The following COL4A5 variants were observed in gnomAD, a reference collection of about 807,000 sequenced individuals.
COL4A5 encodes the protein collagen type IV alpha 5 chain.
In COL4A5, 26 loss-of-function variants were observed where a neutral mutation model predicts 130.2. The ratio of observed to expected loss-of-function variants is 0.20; its 90% CI spans 0.15 to 0.28. The LOEUF is 0.28. Among genes scored for constraint, COL4A5 ranks in the 10% least tolerant of loss-of-function variants. The pLI is 1.00. For missense variants in COL4A5, 1,131 were observed against 1,344.3 expected, an observed-to-expected ratio of 0.84 and a Z score of 2.48; for synonymous variants, 496 against 439.6, an observed-to-expected ratio of 1.13 and a Z score of -1.60.
intron 36 of COL4A5, among the ~76,000 whole-genome samples, chrX:108,647,206 C>T (rs1277217002): frequency 1.4e-4 from 16 of 111,184 alleles, no homozygotes; most frequent in Non-Finnish European, 2.6e-4. Context: ...ATTCTTCCTA[C>T]CCATGAGCAT....
At position 108,440,046 on chromosome X, in the gene COL4A5, C is replaced by T. The variant is rs1410199084; in HGVS notation, c.-80C>T. The T allele has an allele frequency of 1.3e-5, 10 of 758,979 alleles. No individual in the cohort carries two copies. Among genetic ancestry groups the T allele is most frequent in the Non-Finnish European group, 2.0e-5 (10 of 498,303 alleles). The allele number at this position is 758,979 out of a possible 1,213,427, so 62.5% of individuals were successfully genotyped here. ...CCGGCTCTAGCTCTCTCCATATAAA[C>T]CCTCAAGATTATGTCAATTGGTTAG... On this transcript the variant is annotated 5_prime_UTR_variant, in exon 1 of 53. Transcript: ENST00000328300.
intron 37 of COL4A5, among the ~76,000 whole-genome samples, chrX:108,662,777 T>C (rs917108781): frequency 8.9e-6 from 1 of 112,047 alleles, no homozygotes; most frequent in Non-Finnish European, 1.9e-5. Context: ...AAAATGGCCA[T>C]ACTGCCCAAA....
At chrX:108,469,787 G>A (rs188481842) in intron 1 of COL4A5, among the ~76,000 whole-genome samples, 298 of 111,517 alleles carry the variant, frequency 2.7e-3, no homozygotes, top group Non-Finnish European at 3.7e-3. Flanking sequence ...CCATTACCCA[G>A]GCTACCTCCT....
chrX:108,504,634 A>G (rs747637230), intron 1 of COL4A5, among the ~76,000 whole-genome samples: 131 of 112,516 alleles, frequency 1.2e-3, no homozygotes, highest in Non-Finnish European at 2.1e-3. Flanking sequence ...GAAACATGGA[A>G]TCATGCTCAA....
intron 36 of COL4A5, among the ~76,000 whole-genome samples, chrX:108,640,438 T>G (rs896394051): frequency 9.0e-6 from 1 of 111,235 alleles, no homozygotes; most frequent in African/African-American, 3.3e-5. Context: ...TAGTTAGTTA[T>G]AAGATGAATA....
At chrX:108,522,089 C>T (rs778211949) in intron 1 of COL4A5, among the ~76,000 whole-genome samples, 25 of 111,089 alleles carry the variant, frequency 2.3e-4, no homozygotes, top group African/African-American at 8.2e-4. Flanking sequence ...GCTTCTTTCA[C>T]TTAGCATAAT....
intron 36 of COL4A5, among the ~76,000 whole-genome samples, chrX:108,641,618 C>T (rs1003522991): frequency 5.4e-5 from 6 of 111,885 alleles, no homozygotes; most frequent in Admixed American, 4.7e-4. Flanking sequence ...AAATACACAC[C>T]GCCACTGGAG....
intron 1 of COL4A5, among the ~76,000 whole-genome samples, chrX:108,528,130 G>T (rs905456306): frequency 8.9e-6 from 1 of 111,871 alleles, no homozygotes; most frequent in Admixed American, 9.5e-5. Flanking sequence ...ACAAAGATAT[G>T]CATGCTCAGC....
intron 1 of COL4A5, among the ~76,000 whole-genome samples, chrX:108,452,926 A>C (rs1429973267): frequency 9.0e-6 from 1 of 110,680 alleles, no homozygotes; most frequent in Non-Finnish European, 1.9e-5. Flanking sequence ...GAATGCTTCC[A>C]GTTTTTGCCC....
At chrX:108,630,163 G>A (rs1052753502) in intron 36 of COL4A5, among the ~76,000 whole-genome samples, 1 of 111,799 alleles carries the variant, frequency 8.9e-6, no homozygotes, top group Non-Finnish European at 1.9e-5. Context: ...AATCCTTTGG[G>A]TATATACCCA....
intron 47 of COL4A5, among the ~76,000 whole-genome samples, chrX:108,682,400 G>A (rs2068451160): frequency 8.9e-6 from 1 of 111,760 alleles, no homozygotes; most frequent in Non-Finnish European, 1.9e-5. Flanking sequence ...AATCCTTTGG[G>A]TATATACCAA....
chrX:108,670,579 C>T (rs933147274), intron 42 of COL4A5: 8 of 322,202 alleles, frequency 2.5e-5, no homozygotes, highest in East Asian at 1.5e-4. Flanking sequence ...TTAATGCAAA[C>T]GAATTGAACT....
At chrX:108,546,703 T>C (rs1018254321) in intron 2 of COL4A5, among the ~76,000 whole-genome samples, 2 of 111,699 alleles carry the variant, frequency 1.8e-5, no homozygotes, top group African/African-American at 6.5e-5. Context: ...CTGCAGAGTG[T>C]TTTCCAACTT....
chrX:108,619,622 T>C (rs1347697651), intron 30 of COL4A5, among the ~76,000 whole-genome samples: 1 of 111,900 alleles, frequency 8.9e-6, no homozygotes, highest in Non-Finnish European at 1.9e-5. Context: ...TGACAAAAAA[T>C]ACTAATAGTA....
At chrX:108,691,936 T>C (rs2068644754) in intron 49 of COL4A5, among the ~76,000 whole-genome samples, 1 of 111,675 alleles carries the variant, frequency 9.0e-6, no homozygotes, top group Admixed American at 9.6e-5. Context: ...CAGTCCCTGC[T>C]ATTACAAAGT....
intron 30 of COL4A5, among the ~76,000 whole-genome samples, chrX:108,619,721 CAAT>C (rs1256871329): frequency 9.0e-6 from 1 of 111,571 alleles, no homozygotes; most frequent in Non-Finnish European, 1.9e-5. Context: ...ATTCAGTAAT[CAAT>C]AATTTTGGGA....
At chrX:108,514,797 A>C (rs751034067) in intron 1 of COL4A5, among the ~76,000 whole-genome samples, 6 of 112,090 alleles carry the variant, frequency 5.4e-5, no homozygotes, top group Non-Finnish European at 1.1e-4. Flanking sequence ...TATCACCCAC[A>C]GTCCCTAAAG....
chrX:108,632,544 A>G (rs2067281311), intron 36 of COL4A5, among the ~76,000 whole-genome samples: 1 of 111,506 alleles, frequency 9.0e-6, no homozygotes, highest in Admixed American at 9.5e-5. Flanking sequence ...AGAATTTTAG[A>G]CCAATATCCC....
chrX:108,683,130 A>G (rs994435473), intron 47 of COL4A5, among the ~76,000 whole-genome samples: 4 of 111,889 alleles, frequency 3.6e-5, no homozygotes, highest in Non-Finnish European at 7.5e-5. Context: ...CAGTTTTCCC[A>G]ACACCATTTG....
Sources: gnomAD v4.1 joint callset for allele counts (sites outside exome capture counted in the v4.1 genomes callset) on GRCh38, gnomAD v4.1.1 for gene constraint, MANE v1.5 for transcripts, NCBI Gene and HGNC (gene_info 2026-07-23, HGNC 2026-07-21) for gene names.